EBF1: variants seen among roughly 807,000 people sequenced by gnomAD.
EBF1 encodes the protein transcription factor COE1.
Under a neutral mutation model 68.4 loss-of-function variants are expected in EBF1, and 10 were observed. That is an observed-to-expected ratio of 0.15 (90% CI 0.09 to 0.25). The LOEUF is 0.25. Among genes scored for constraint, EBF1 ranks in the 10% least tolerant of loss-of-function variants. The pLI, the probability that EBF1 is intolerant of heterozygous loss-of-function variation, is 1.00. For missense variants in EBF1, 509 were observed against 794.4 expected (o/e 0.64, Z 4.32); for synonymous variants, 298 against 299.8 (o/e 0.99, Z 0.06).
intron 4 of EBF1, among the ~76,000 whole-genome samples, chr5:159,092,992 G>T (rs1417101594): frequency 1.3e-5 from 2 of 152,122 alleles, no homozygotes; most frequent in Non-Finnish European, 2.9e-5. Context: ...AAAGATTCAA[G>T]AAATTTTAAA....
At chr5:158,980,355 G>A (rs1260603349) in intron 6 of EBF1, among the ~76,000 whole-genome samples, 1 of 152,068 alleles carries the variant, frequency 6.6e-6, no homozygotes, top group Non-Finnish European at 1.5e-5. Context: ...ATAACTGCTG[G>A]CACGCTCTCT....
chr5:158,783,295 T>C (rs1776772368), intron 9 of EBF1, among the ~76,000 whole-genome samples: 1 of 152,176 alleles, frequency 6.6e-6, no homozygotes, highest in African/African-American at 2.4e-5. Flanking sequence ...TAGAATAACA[T>C]CAGTTTGGGG....
intron 6 of EBF1, among the ~76,000 whole-genome samples, chr5:158,859,677 T>C (rs552419181): frequency 6.6e-6 from 1 of 152,302 alleles, no homozygotes; most frequent in African/African-American, 2.4e-5. Flanking sequence ...CCCCGGAAGT[T>C]GGCCACTTCC....
chr5:158,903,625 A>G (rs1380889195), intron 6 of EBF1, among the ~76,000 whole-genome samples: 1 of 152,192 alleles, frequency 6.6e-6, no homozygotes, highest in Non-Finnish European at 1.5e-5. Context: ...CAGTCTGCTA[A>G]TCCAGCCATT....
chr5:158,896,355 C>A (rs977365446), intron 6 of EBF1, among the ~76,000 whole-genome samples: 1 of 152,132 alleles, frequency 6.6e-6, no homozygotes, highest in Admixed American at 6.5e-5. Context: ...TTGCCCATTT[C>A]TTTTCTTGTA....
chr5:158,848,399 T>G (rs1477988697), intron 6 of EBF1, among the ~76,000 whole-genome samples: 1 of 152,180 alleles, frequency 6.6e-6, no homozygotes, highest in Admixed American at 6.5e-5. Flanking sequence ...TGCCAACACT[T>G]TCACTAGATT....
chr5:159,067,767 T>C lies in EBF1; in HGVS notation c.554+5629A>G, dbSNP rs74551245. Among the ~76,000 whole-genome samples, 28 of 152,288 alleles carry C rather than the reference T, an allele frequency of 1.8e-4. No homozygotes were observed. In the East Asian group the frequency reaches 4.8e-3, roughly 26 times the overall value. ...CTAATAATCACATATGAATTCCCAC[T>C]GAGAAGACAAATGTTTAAACACACT... On this transcript the variant is annotated intron_variant, in intron 6 of 15. Coordinates refer to ENST00000313708, the MANE Select transcript of EBF1 (RefSeq NM_024007.5).
chr5:159,088,320 T>G (rs1382153566), intron 4 of EBF1, among the ~76,000 whole-genome samples: 2 of 152,132 alleles, frequency 1.3e-5, no homozygotes, highest in Non-Finnish European at 2.9e-5. Flanking sequence ...CAAAATGCCC[T>G]AAAGTTCTCC....
intron 6 of EBF1, among the ~76,000 whole-genome samples, chr5:158,889,001 T>A (rs2128104860): frequency 6.6e-6 from 1 of 152,272 alleles, no homozygotes; most frequent in East Asian, 1.9e-4. Context: ...ATCCCATCCA[T>A]GTATTTAGGT....
rs1429648204 is a variant in EBF1, at chr5:159,098,776, G to A, written c.134+569C>T. On this transcript the variant is annotated intron_variant, in intron 1 of 15. Transcript: ENST00000313708. ...GAAGAGGGGAAGAAAGGAAGAGGAAGGAGAAGAGAAGAAAATAAAGGGGGG... is the reference window on the plus strand; with the variant it reads ...GAAGAGGGGAAGAAAGGAAGAGGAAAGAGAAGAGAAGAAAATAAAGGGGGG... Among the ~76,000 whole-genome samples, 3 of 120,754 alleles carry A rather than the reference G, an allele frequency of 2.5e-5. No homozygotes were observed. The Admixed American group carries it at 3.1e-4, about 13-fold the overall frequency. The allele number at this position is 120,754 out of a possible 152,430, so 79.2% of individuals were successfully genotyped here.
intron 6 of EBF1, among the ~76,000 whole-genome samples, chr5:158,905,595 C>T (rs1250700440): frequency 1.3e-5 from 2 of 152,136 alleles, no homozygotes; most frequent in Non-Finnish European, 2.9e-5. Context: ...TATTACCTTT[C>T]GAACAAAGCC....
At chr5:158,933,312 A>G (rs1459785138) in intron 6 of EBF1, among the ~76,000 whole-genome samples, 1 of 152,214 alleles carries the variant, frequency 6.6e-6, no homozygotes, top group Non-Finnish European at 1.5e-5. Context: ...ATAGGCAACC[A>G]TCATTCTTAT....
At chr5:158,874,202 A>G (rs893917254) in intron 6 of EBF1, among the ~76,000 whole-genome samples, 1 of 152,196 alleles carries the variant, frequency 6.6e-6, no homozygotes. Context: ...AAATACCAGA[A>G]AAGTACACTC....
chr5:159,000,248 T>C (rs1008980835), intron 6 of EBF1, among the ~76,000 whole-genome samples: 15 of 152,230 alleles, frequency 9.9e-5, no homozygotes, highest in Non-Finnish European at 1.9e-4. Context: ...ATAAAACTAC[T>C]AATTTTATTA....
intron 9 of EBF1, among the ~76,000 whole-genome samples, chr5:158,784,058 TTG>T (rs1350718781): frequency 6.6e-6 from 1 of 151,618 alleles, no homozygotes; most frequent in Non-Finnish European, 1.5e-5. Context: ...TCTCACTAAA[TTG>T]ATGATGGTAA....
intron 6 of EBF1, among the ~76,000 whole-genome samples, chr5:159,065,095 ATCAGAATACT>A (rs1418941998): frequency 6.6e-6 from 1 of 152,048 alleles, no homozygotes; most frequent in Non-Finnish European, 1.5e-5. Context: ...TTACTAACAG[ATCAGAATACT>A]TATGAACGAG....
At chr5:158,921,215 G>A (rs902809704) in intron 6 of EBF1, among the ~76,000 whole-genome samples, 10 of 151,548 alleles carry the variant, frequency 6.6e-5, no homozygotes, top group Non-Finnish European at 1.5e-4. Context: ...GCTTCGTTTC[G>A]CCTATGTTAG....
At chr5:158,842,310 C>A (rs896420278) in intron 6 of EBF1, among the ~76,000 whole-genome samples, 5 of 152,160 alleles carry the variant, frequency 3.3e-5, no homozygotes, top group African/African-American at 1.2e-4. Flanking sequence ...CTGTTGTGAT[C>A]CTTGAATCTT....
chr5:159,074,395 C>A (rs1414314947), intron 5 of EBF1, among the ~76,000 whole-genome samples: 1 of 152,196 alleles, frequency 6.6e-6, no homozygotes, highest in Admixed American at 6.5e-5. Context: ...CAGGGGCATA[C>A]TTATAAAAGC....
Sources: gnomAD v4.1 joint callset for allele counts (sites outside exome capture counted in the v4.1 genomes callset) on GRCh38, gnomAD v4.1.1 for gene constraint, MANE v1.5 for transcripts, NCBI Gene and HGNC (gene_info 2026-07-23, HGNC 2026-07-21) for gene names.